Variants in HDAC4 observed in about 807,000 individuals in gnomAD.
HDAC4 encodes histone deacetylase 4.
In HDAC4, 16 loss-of-function variants were observed where a neutral mutation model predicts 135.1. The ratio of observed to expected loss-of-function variants is 0.12; its 90% confidence interval spans 0.08 to 0.18. HDAC4 has a LOEUF of 0.18. Ranked by LOEUF, HDAC4 falls within the 10% of genes least tolerant of loss-of-function variation. The probability of loss-of-function intolerance (pLI) is 1.00; values close to 1 mark genes in which losing one functional copy is unlikely to be tolerated. For synonymous variants in HDAC4, 685 were observed against 653.4 expected (o/e 1.05, Z -0.74); for missense variants, 1,143 against 1,511.8 (o/e 0.76, Z 4.05).
chr2:239,368,482 A>G lies in HDAC4; in HGVS notation c.-219-15564T>C, dbSNP rs1694378825. Among the ~76,000 whole-genome samples, 3 of 152,160 alleles carry G rather than the reference A, an allele frequency of 2.0e-5. 1 individual carries two copies. Among genetic ancestry groups the G allele is most frequent in the Admixed American group, 2.0e-4 (3 of 15,288 alleles). On this transcript the variant is annotated intron_variant, in intron 1 of 26. Coordinates refer to ENST00000543185, the MANE Select transcript of HDAC4 (RefSeq NM_001378414.1). ...CAGAACAGCTTCTTGAAACAAACTC[A>G]AGATTGACAGGGTGCCAAGCAAGAA...
chr2:239,115,426 C>T lies in HDAC4; in HGVS notation c.1534-116G>A, dbSNP rs762320522. 7.8e-7 allele frequency: 1 copy of T among 1,275,272 alleles called. No individual in the cohort carries two copies. The allele number at this position is 1,275,272 out of a possible 1,614,324, so 79.0% of individuals were successfully genotyped here. A position where few individuals can be genotyped will look rare whatever the true frequency, so the allele number is the denominator to read the frequency against. On this transcript the variant is annotated intron_variant, in intron 12 of 26. Transcript: ENST00000543185. This position sits in a 1 kb window ranked among gnomAD's most constrained non-coding sequence, Gnocchi z 6.3. ...GGGGCAGACAATCAGGGACTCAGGG[C>T]ACCTTATCACCCTGCCACAGGCCAG...
At chr2:239,375,763 C>T (rs537596905) in intron 1 of HDAC4, among the ~76,000 whole-genome samples, 22 of 152,318 alleles carry the variant, frequency 1.4e-4, no homozygotes, top group African/African-American at 2.2e-4. Context: ...TCTGGACGGG[C>T]GTTTCCTCCA....
chr2:239,366,807 A>G (rs1318252784), intron 1 of HDAC4, among the ~76,000 whole-genome samples: 2 of 136,590 alleles, frequency 1.5e-5, no homozygotes, highest in Non-Finnish European at 2.9e-5. Context: ...GGAAAACATG[A>G]CTTATCCCTG....
At chr2:239,065,979 C>T (rs889565947) in intron 24 of HDAC4, among the ~76,000 whole-genome samples, 2 of 152,246 alleles carry the variant, frequency 1.3e-5, no homozygotes, top group African/African-American at 4.8e-5. Context: ...GTGTCACACA[C>T]TTCAGACACT....
chr2:239,066,893 GA>G (rs1474800690), intron 23 of HDAC4, 38 bp from the exon 24 acceptor site: 2 of 1,600,860 alleles, frequency 1.2e-6, no homozygotes, highest in Non-Finnish European at 1.7e-6. Flanking sequence ...GTGAACGGGG[GA>G]GGACCGCAGC....
rs894676979 is a variant in HDAC4 at position 239,190,077 on chromosome 2, A to G, written c.95T>C (p.Val32Ala). ...CAGAGGCAGCGCCGTGGCCACATCC[A>G]CTGTGGGAAAAACAAGCAGGAGAGC... ...PARVNHMPST[V>A]DVATALPLQV... Residue 32 changes from valine (V) to alanine (A), a missense_variant and splice_region_variant, in exon 4 of 27, where the codon GTG becomes GCG. Around this residue, in one of 9 missense-constraint regions of HDAC4, gnomAD observed 247 missense variants for 310.0 expected, o/e 0.80. Transcript: ENST00000543185. 3 of 1,597,502 alleles carry G rather than the reference A, an allele frequency of 1.9e-6. No individual in the cohort carries two copies. Among genetic ancestry groups the G allele is most frequent in the African/African-American group, 1.3e-5 (1 of 74,268 alleles).
chr2:239,056,100 C>T (rs889784591), intron 24 of HDAC4, among the ~76,000 whole-genome samples: 15 of 152,236 alleles, frequency 9.9e-5, no homozygotes, highest in Non-Finnish European at 1.9e-4. Flanking sequence ...GTGGCAGCTC[C>T]GCCAGGCCAG....
intron 22 of HDAC4, among the ~76,000 whole-genome samples, chr2:239,078,336 G>T (rs966732282): frequency 4.6e-5 from 7 of 152,200 alleles, no homozygotes; most frequent in African/African-American, 1.7e-4. Context: ...TTGATCCCCT[G>T]AAAATGCAAT....
At chr2:239,261,548 C>A (rs563875074) in intron 2 of HDAC4, among the ~76,000 whole-genome samples, 6 of 152,298 alleles carry the variant, frequency 3.9e-5, no homozygotes, top group African/African-American at 1.2e-4. Flanking sequence ...AAATGGGCAT[C>A]TTACTAGCCT....
chr2:239,345,551 A>AAC (rs146766615), intron 2 of HDAC4, among the ~76,000 whole-genome samples: 64 of 150,678 alleles, frequency 4.2e-4, no homozygotes, highest in African/African-American at 1.2e-3. Context: ...GACCCTGTCT[A>AAC]ACACACACAC....
intron 1 of HDAC4, among the ~76,000 whole-genome samples, chr2:239,388,385 T>A (rs1363270007): frequency 6.6e-6 from 1 of 152,238 alleles, no homozygotes; most frequent in Non-Finnish European, 1.5e-5. Flanking sequence ...GGGAGGCAGA[T>A]GCGGTCAGTG....
chr2:239,388,635 G>A (rs549351306), intron 1 of HDAC4, among the ~76,000 whole-genome samples: 4 of 152,240 alleles, frequency 2.6e-5, no homozygotes, highest in Admixed American at 1.3e-4. Flanking sequence ...GCCCTGATCC[G>A]TCCTCCACCA....
chr2:239,373,203 C>A (rs569049235), intron 1 of HDAC4, among the ~76,000 whole-genome samples: 18 of 152,312 alleles, frequency 1.2e-4, no homozygotes, highest in African/African-American at 4.1e-4. Flanking sequence ...GCGCGTACCT[C>A]CTCCAGCCAT....
chr2:239,385,259 GC>G (rs1695710867), intron 1 of HDAC4, among the ~76,000 whole-genome samples: 1 of 152,230 alleles, frequency 6.6e-6, no homozygotes, highest in Non-Finnish European at 1.5e-5. Flanking sequence ...GCTTCCCTTA[GC>G]CAGAGGCGAC....
chr2:239,324,047 C>T (rs911457845), intron 2 of HDAC4, among the ~76,000 whole-genome samples: 3 of 152,124 alleles, frequency 2.0e-5, no homozygotes, highest in African/African-American at 7.2e-5. Context: ...CTGACAAAGG[C>T]TGGTGTAACT....
chr2:239,159,601 C>A (rs1473910732), intron 6 of HDAC4, among the ~76,000 whole-genome samples: 1 of 151,772 alleles, frequency 6.6e-6, no homozygotes, highest in African/African-American at 2.4e-5. Flanking sequence ...ACACTCATAC[C>A]CCACACTCAC....
chr2:239,263,927 T>C (rs911295636), intron 2 of HDAC4, among the ~76,000 whole-genome samples: 6 of 152,170 alleles, frequency 3.9e-5, no homozygotes, highest in African/African-American at 1.4e-4. Context: ...CAGAGCCCTG[T>C]CTGGCCACTG....
chr2:239,297,354 G>A (rs1328977729), intron 2 of HDAC4, among the ~76,000 whole-genome samples: 5 of 152,234 alleles, frequency 3.3e-5, no homozygotes, highest in African/African-American at 1.2e-4. Flanking sequence ...AGAGAGCAGC[G>A]ATCCGTGCCA....
intron 2 of HDAC4, among the ~76,000 whole-genome samples, chr2:239,242,002 T>C (rs973801511): frequency 6.6e-6 from 1 of 151,810 alleles, no homozygotes; most frequent in African/African-American, 2.4e-5. Flanking sequence ...ATTGGCCTTT[T>C]ACTCCGCCAC....
Sources: allele counts gnomAD v4.1 joint callset (sites outside exome capture counted in the v4.1 genomes callset), GRCh38; gene constraint gnomAD v4.1.1; regional missense constraint gnomAD v4.1.1; non-coding constraint Gnocchi (gnomAD v3.1); transcripts MANE v1.5; gene names NCBI Gene and HGNC (gene_info 2026-07-23, HGNC 2026-07-21).